DDX5: variants seen among roughly 807,000 people sequenced by gnomAD.
The protein encoded by DDX5 is probable ATP-dependent RNA helicase DDX5.
A neutral mutation model predicts 68.6 loss-of-function variants in DDX5; 6 were observed. The ratio of observed to expected loss-of-function variants is 0.09; its 90% confidence interval spans 0.05 to 0.17. The LOEUF (loss-of-function observed/expected upper bound fraction) is 0.17, where lower values mean the gene tolerates loss of function less well. DDX5 is among the 10% of genes least tolerant of loss of function. DDX5 has a pLI of 1.00. For missense variants in DDX5, 499 were observed against 756.1 expected (o/e 0.66, Z 3.99); for synonymous variants, 350 against 247.0 (o/e 1.42, Z -3.91).
chr17:64,502,807 G>C, intron 8 of DDX5, 119 bp downstream of exon 8: 1 of 1,040,280 alleles, frequency 9.6e-7, no homozygotes, highest in Non-Finnish European at 1.4e-6. Flanking sequence ...AGGATTAGTA[G>C]GCTAACTAAA....
In DDX5 at chr17:64,500,552, A is replaced by C. The variant is rs1140409; in HGVS notation, c.1438T>G (p.Ser480Ala). The C allele has an allele frequency of 0.059, 95,051 of 1,612,270 alleles. 3,143 individuals carry two copies. Among genetic ancestry groups the C allele is most frequent in the Middle Eastern group, 0.073 (442 of 6,056 alleles). Residue 480 changes from serine to alanine, a missense_variant, in exon 12 of 13, where the codon TCA becomes GCA. By Grantham distance (99) the Ser-to-Ala change is moderately conservative. Coordinates refer to ENST00000225792, the MANE Select transcript of DDX5 (RefSeq NM_004396.5). ...KLLQLVEDRG[S>A]GRSRGRGGMK... is the part of the protein sequence containing the mutation. Reference sequence around the variant, plus strand: ...ATTTCCTATCAGTCATCCTTACCTGAACCTCTGTCTTCGACCAACTGAAGC... The same window carrying C: ...ATTTCCTATCAGTCATCCTTACCTGCACCTCTGTCTTCGACCAACTGAAGC...
In DDX5 at chr17:64,499,783, G is replaced by A; in HGVS notation, c.*140C>T. On this transcript the variant is annotated 3_prime_UTR_variant, in exon 13 of 13. Transcript: ENST00000225792. ...TGTAGAGAAATATCCAACTTAAATA[G>A]CGAAAAAGTGCACCATAATTACTGC... The A allele has an allele frequency of 1.3e-6, 1 of 753,174 alleles. No individual in the cohort carries two copies. Among genetic ancestry groups the A allele is most frequent in the East Asian group, 2.9e-5 (1 of 34,466 alleles). 46.7% of individuals were successfully genotyped at this position (753,174 alleles called of 1,614,324 possible). A position where few individuals can be genotyped will look rare whatever the true frequency, so the allele number is the denominator to read the frequency against.
intron 1 of DDX5, chr17:64,505,453 C>A (rs2038443790): frequency 3.5e-6 from 2 of 570,208 alleles, no homozygotes; most frequent in Non-Finnish European, 6.3e-6. Flanking sequence ...GGAGGAGTCC[C>A]GGCCCGGGCG....
In DDX5 at chr17:64,502,344, A is replaced by C. The variant is rs1220099731; in HGVS notation, c.1094+95T>G. On this transcript the variant is annotated intron_variant, in intron 9 of 12. Coordinates refer to ENST00000225792, the MANE Select transcript of DDX5 (RefSeq NM_004396.5). ...CAGAAATGAAAAAGTTAAATTCACTATCAGATATGAAAAAAATCCACTGCT... is the reference window on the plus strand; with the variant it reads ...CAGAAATGAAAAAGTTAAATTCACTCTCAGATATGAAAAAAATCCACTGCT... The C allele has an allele frequency of 6.9e-6, 10 of 1,449,334 alleles. No homozygotes were observed. The Admixed American group carries it at 1.8e-4, about 26-fold the overall frequency. The allele number at this position is 1,449,334 out of a possible 1,614,324, so 89.8% of individuals were successfully genotyped here.
Position 64,500,650 on chromosome 17 carries a change from G to A in DDX5, c.1340C>T (p.Pro447Leu). 1 of 1,614,134 alleles carries A rather than the reference G, an allele frequency of 6.2e-7. No homozygotes were observed. Among genetic ancestry groups the A allele is most frequent in the Non-Finnish European group, 8.5e-7 (1 of 1,180,000 alleles). ...KTGTAYTFFT[P>L]NNIKQVSDLI... ...GTCGCTCACTTGCTTTATGTTATTA[G>A]GTGTAAAGAAAGTGTATGCTGTGCC... Residue 447 changes from proline to leucine, a missense_variant, in exon 12 of 13, where the codon CCT becomes CTT. This residue lies in a region of DDX5 where 21 missense variants were observed against 37.6 expected (regional missense o/e 0.56). Coordinates refer to ENST00000225792, the MANE Select transcript of DDX5 (RefSeq NM_004396.5).
intron 7 of DDX5, 30 bp downstream of exon 7, chr17:64,503,158 G>GT (rs782305915): frequency 6.2e-7 from 1 of 1,612,984 alleles, no homozygotes; most frequent in African/African-American, 1.3e-5. Flanking sequence ...ACACAATTCA[G>GT]TTTGATCACA....
chr17:64,502,719 C>T (rs570607881), intron 8 of DDX5, 170 bp from the exon 9 acceptor site: 1 of 713,396 alleles, frequency 1.4e-6, no homozygotes, highest in East Asian at 2.7e-5. Context: ...CTTAAGTCAA[C>T]CAGGGGACAC....
intron 1 of DDX5, chr17:64,505,230 A>C (rs1374616321): frequency 4.0e-6 from 1 of 253,126 alleles, no homozygotes; most frequent in Non-Finnish European, 7.6e-6. Flanking sequence ...GAAGAGCATC[A>C]CGACGATGTT....
intron 1 of DDX5, 53 bp downstream of exon 1, chr17:64,506,023 C>CCCCCCCCCCCCCCCCCCCCCCCCCA: frequency 7.2e-7 from 1 of 1,391,138 alleles, no homozygotes; most frequent in South Asian, 1.2e-5. Context: ...CACCCTGACC[C>CCCCCCCCCCCCCCCCCCCCCCCCCA]GCCCTCCCAT....
intron 12 of DDX5, 37 bp downstream of exon 12, chr17:64,500,512 C>T (rs1598145876): frequency 2.5e-6 from 4 of 1,585,204 alleles, no homozygotes; most frequent in African/African-American, 1.3e-5. Flanking sequence ...AACGATGTGA[C>T]TCGTAACTAC....
chr17:64,504,890 G>C (rs781838267), intron 1 of DDX5, 48 bp from the exon 2 acceptor site: 8 of 1,553,960 alleles, frequency 5.1e-6, no homozygotes, highest in African/African-American at 2.8e-5. Flanking sequence ...GCTATACCCA[G>C]GTTTCTGTAT....
At chr17:64,502,130 AGG>A (rs1450263980) in intron 10 of DDX5, 30 bp downstream of exon 10, 2 of 1,613,848 alleles carry the variant, frequency 1.2e-6, no homozygotes, top group African/African-American at 2.7e-5. Flanking sequence ...AGGTTAAGTA[AGG>A]GGGAAAAATA....
At chr17:64,500,811 G>A (rs781856206) in intron 11 of DDX5, 38 bp from the exon 12 acceptor site, 15 of 1,502,824 alleles carry the variant, frequency 1.0e-5, no homozygotes, top group African/African-American at 6.9e-5. Flanking sequence ...AGCAATGTAC[G>A]GAGTTTTGCA....
intron 6 of DDX5, 21 bp from the exon 7 acceptor site, chr17:64,503,369 G>A (rs782539226): frequency 6.2e-6 from 10 of 1,614,068 alleles, no homozygotes; most frequent in South Asian, 1.1e-5. Flanking sequence ...ATACGTAAGT[G>A]TAACTACAAT....
Position 64,504,729 on chromosome 17 carries a change from T to C in DDX5, c.158A>G (p.Lys53Arg), listed in dbSNP as rs371193636. The C allele has an allele frequency of 6.2e-7, 1 of 1,613,752 alleles. No individual in the cohort carries two copies. The highest frequency in any genetic ancestry group is 8.5e-7 in the Non-Finnish European group (1 of 1,179,948). ...CTCTTGATAAAAATTCTTCTCAAATTTAGGCAGCTCATCAAGATTCCACTT... is the reference window on the plus strand; with the variant it reads ...CTCTTGATAAAAATTCTTCTCAAATCTAGGCAGCTCATCAAGATTCCACTT... ...KKKWNLDELP[K>R]FEKNFYQEHP... The change falls in exon 2 of 13, where the codon AAA becomes AGA. Residue 53 changes from lysine (K) to arginine (R), a missense_variant. Lys to Arg is a conservative substitution (Grantham distance 26). Transcript: ENST00000225792.
At chr17:64,505,986 C>T (rs2038492001) in intron 1 of DDX5, 90 bp downstream of exon 1, 3 of 1,542,526 alleles carry the variant, frequency 1.9e-6, no homozygotes, top group Non-Finnish European at 2.6e-6. Flanking sequence ...AAGGCCAAGT[C>T]CAAGCCGCAA....
At chr17:64,504,642 G>GGATGAA (rs781967334) in intron 2 of DDX5, 35 bp downstream of exon 2, 2 of 1,577,738 alleles carry the variant, frequency 1.3e-6, no homozygotes, top group East Asian at 4.5e-5. Context: ...CCACGATCGA[G>GGATGAA]TTACAGCCTG....
Position 64,504,322 on chromosome 17 carries a change from C to T in DDX5, c.211-4G>A, listed in dbSNP as rs1555671713. 1 of 1,612,274 alleles carries T rather than the reference C, an allele frequency of 6.2e-7. No individual in the cohort carries two copies. The highest frequency in any genetic ancestry group is 8.5e-7 in the Non-Finnish European group (1 of 1,178,668). ...TTCTGTATGTTTCCACCTCTTGCTG[C>T]AAAACAAATTATAACAGTCTTAAAA... On this transcript the variant is annotated splice_polypyrimidine_tract_variant and splice_region_variant and intron_variant, in intron 2 of 12. Coordinates refer to ENST00000225792, the MANE Select transcript of DDX5 (RefSeq NM_004396.5).
chr17:64,500,303 T>C lies in DDX5; in HGVS notation c.1465A>G (p.Met489Val). The stretch of plus-strand genomic sequence containing the variant: ...TATCTGTCCCGACGGTCATCCTTCA[T>C]GCCTCCTCTACCCCTGGAACGACCT... ...GSGRSRGRGG[M>V]KDDRRDRYSA... The change falls in exon 13 of 13, where the codon ATG becomes GTG. Residue 489 changes from methionine (M) to valine (V), a missense_variant. This residue lies in a region of DDX5 where 171 missense variants were observed against 174.8 expected (regional missense o/e 0.98). Transcript: ENST00000225792. 6.2e-7 allele frequency: 1 copy of C among 1,611,992 alleles called. No individual in the cohort carries two copies. Among genetic ancestry groups the C allele is most frequent in the East Asian group, 2.2e-5 (1 of 44,848 alleles).
Sources: allele counts gnomAD v4.1 joint callset, GRCh38; gene constraint gnomAD v4.1.1; regional missense constraint gnomAD v4.1.1; transcripts MANE v1.5; gene names NCBI Gene and HGNC (gene_info 2026-07-23, HGNC 2026-07-21).